Variants in TLL2 observed in about 807,000 individuals in gnomAD.
TLL2 encodes the protein tolloid like 2.
Under a neutral mutation model 123.0 loss-of-function variants are expected in TLL2, and 106 were observed. The ratio of observed to expected loss-of-function variants is 0.86; its 90% CI spans 0.74 to 1.01. The LOEUF is 1.01. Ranked by LOEUF, TLL2 falls within the 50% of genes least tolerant of loss-of-function variation. The pLI, the probability that TLL2 is intolerant of heterozygous loss-of-function variation, is 0.00. For synonymous variants in TLL2, 494 were observed against 516.8 expected, an observed-to-expected ratio of 0.96 and a Z score of 0.60; for missense variants, 1,332 against 1,336.7, an observed-to-expected ratio of 1.00 and a Z score of 0.06.
At chr10:96,379,126 C>T (rs748158129) in intron 16 of TLL2, 34 bp from the exon 17 acceptor site, 16 of 1,587,368 alleles carry the variant, frequency 1.0e-5, no homozygotes, top group East Asian at 4.5e-5. Flanking sequence ...TAAGAGGAAC[C>T]GCCAACTTGC....
intron 1 of TLL2, 138 bp downstream of exon 1, chr10:96,513,373 T>A (rs568392324): frequency 9.0e-7 from 1 of 1,109,628 alleles, no homozygotes; most frequent in Non-Finnish European, 1.3e-6. Context: ...CTCGGAGGCA[T>A]TGTCTTCCGG....
intron 2 of TLL2, among the ~76,000 whole-genome samples, chr10:96,469,922 G>A (rs1289609610): frequency 6.6e-6 from 1 of 152,068 alleles, no homozygotes. Flanking sequence ...GACAGGCTAG[G>A]AGGGCACCAT....
intron 4 of TLL2, among the ~76,000 whole-genome samples, chr10:96,432,204 A>G (rs1846750220): frequency 6.6e-6 from 1 of 152,210 alleles, no homozygotes; most frequent in Non-Finnish European, 1.5e-5. Context: ...CGCTTTATCT[A>G]TAGTAACCCA....
intron 18 of TLL2, among the ~76,000 whole-genome samples, chr10:96,375,776 T>C (rs1156826920): frequency 1.3e-5 from 2 of 152,220 alleles, no homozygotes; most frequent in Non-Finnish European, 2.9e-5. Flanking sequence ...CATAGTCCAT[T>C]GATCATGGAC....
intron 16 of TLL2, 53 bp from the exon 17 acceptor site, chr10:96,379,145 C>T: frequency 1.3e-6 from 2 of 1,584,138 alleles, no homozygotes; most frequent in South Asian, 1.1e-5. Flanking sequence ...GCAAATGTCC[C>T]TCAGGGCTCA....
chr10:96,392,050 A>G (rs1846294987), intron 13 of TLL2, among the ~76,000 whole-genome samples: 1 of 152,140 alleles, frequency 6.6e-6, no homozygotes, highest in African/African-American at 2.4e-5. Flanking sequence ...AATCTCCTTC[A>G]CCACCATGAG....
At chr10:96,476,902 A>G (rs923101268) in intron 2 of TLL2, among the ~76,000 whole-genome samples, 8 of 151,622 alleles carry the variant, frequency 5.3e-5, no homozygotes, top group African/African-American at 1.9e-4. Context: ...ACACACGCAA[A>G]CATGCACACA....
In TLL2 at chr10:96,395,934, C is replaced by T. The variant is rs751462574; in HGVS notation, c.1471G>A (p.Val491Ile). The stretch of plus-strand genomic sequence containing the variant: ...CCCTCTGAAACCGTAATCCTCCAGA[C>T]ACATTCCTTGGAAGGTCTGTAGTCA... ...PDDYRPSKEC[V>I]WRITVSEGFH... The change falls in exon 12 of 21, where the codon GTC (valine) becomes ATC (isoleucine). Residue 491 changes from valine (V) to isoleucine (I), a missense_variant. Coordinates refer to ENST00000357947, the MANE Select transcript of TLL2 (RefSeq NM_012465.4). The T allele has an allele frequency of 3.1e-6, 5 of 1,614,222 alleles. No homozygotes were observed. The highest frequency in any genetic ancestry group is 1.3e-5 in the African/African-American group (1 of 75,066).
At position 96,428,672 on chromosome 10, in the gene TLL2, C is replaced by A. The variant is rs141217387; in HGVS notation, c.597G>T (p.Thr199=). 1.2e-6 allele frequency: 2 copies of A among 1,614,086 alleles called. No homozygotes were observed. The highest frequency in any genetic ancestry group is 8.5e-7 in the Non-Finnish European group (1 of 1,179,962). The change falls in exon 5 of 21, where the codon ACG becomes ACT. Residue 199 remains threonine, a synonymous_variant. Coordinates refer to ENST00000357947, the MANE Select transcript of TLL2 (RefSeq NM_012465.4). ...KHTCVTFIER[T]DEESFIVFSY... is the part of the protein sequence containing the mutation. ...TGAATACAATAAAGCTTTCCTCATCCGTCCTTTCTATGAAGGTCACACAGG... is the reference window on the plus strand; with the variant it reads ...TGAATACAATAAAGCTTTCCTCATCAGTCCTTTCTATGAAGGTCACACAGG...
At chr10:96,402,003 CTG>C (rs1201457678) in intron 10 of TLL2, among the ~76,000 whole-genome samples, 1 of 152,238 alleles carries the variant, frequency 6.6e-6, no homozygotes, top group Non-Finnish European at 1.5e-5. Flanking sequence ...CAGCCACTAA[CTG>C]TGTGGACTTT....
At chr10:96,377,984 G>T (rs1354788547) in intron 17 of TLL2, among the ~76,000 whole-genome samples, 1 of 152,240 alleles carries the variant, frequency 6.6e-6, no homozygotes, top group Non-Finnish European at 1.5e-5. Context: ...GCCTGGTCCT[G>T]GCCCGGGCCC....
At chr10:96,383,175 C>T (rs749847912) in intron 16 of TLL2, among the ~76,000 whole-genome samples, 6 of 152,156 alleles carry the variant, frequency 3.9e-5, no homozygotes, top group South Asian at 2.1e-4. Context: ...CCACATGCCA[C>T]GCTAAGGAGA....
intron 10 of TLL2, among the ~76,000 whole-genome samples, chr10:96,401,238 T>C (rs1846390242): frequency 6.6e-6 from 1 of 152,112 alleles, no homozygotes. Flanking sequence ...TGGGAAAAAA[T>C]GCGATGCACA....
At position 96,413,313 on chromosome 10, in the gene TLL2, TC is replaced by T; in HGVS notation, c.926del (p.Gly309GlufsTer4). ...MHYARNTFSR[G>X]VFLDTILPRQ... is the part of the protein sequence containing the mutation. The stretch of plus-strand genomic sequence containing the variant: ...GGGGAAGGATGGTGTCTAAGAAAAC[TC>T]CTCTACAGGAAGGAAAAAAGACAGA... On this transcript the variant is annotated frameshift_variant and splice_region_variant, in exon 8 of 21. Coordinates refer to ENST00000357947, the MANE Select transcript of TLL2 (RefSeq NM_012465.4). LOFTEE classifies it high-confidence loss of function. The T allele has an allele frequency of 6.2e-7, 1 of 1,613,118 alleles. No homozygotes were observed. The highest frequency in any genetic ancestry group is 8.5e-7 in the Non-Finnish European group (1 of 1,179,184).
chr10:96,487,573 T>A (rs1377546936), intron 1 of TLL2, among the ~76,000 whole-genome samples: 1 of 151,454 alleles, frequency 6.6e-6, no homozygotes, highest in Non-Finnish European at 1.5e-5. Flanking sequence ...GTAGGTGGAG[T>A]TGGGGGAGGG....
chr10:96,389,445 C>A (rs992651269), intron 13 of TLL2, among the ~76,000 whole-genome samples: 8 of 152,056 alleles, frequency 5.3e-5, no homozygotes, highest in Non-Finnish European at 1.2e-4. Flanking sequence ...GGGAGTGGAG[C>A]AGTGCAGGCC....
intron 13 of TLL2, among the ~76,000 whole-genome samples, chr10:96,388,873 T>G (rs1482327016): frequency 1.3e-5 from 2 of 152,230 alleles, no homozygotes; most frequent in Non-Finnish European, 2.9e-5. Flanking sequence ...CTAATGGTGA[T>G]GTACTCTTGG....
At chr10:96,394,835 C>T (rs369943121) in intron 13 of TLL2, among the ~76,000 whole-genome samples, 1 of 152,232 alleles carries the variant, frequency 6.6e-6, no homozygotes, top group Non-Finnish European at 1.5e-5. Flanking sequence ...AGTCAAGTAC[C>T]TTACACAGTT....
intron 2 of TLL2, among the ~76,000 whole-genome samples, chr10:96,454,486 G>T (rs1307713035): frequency 6.6e-6 from 1 of 152,186 alleles, no homozygotes; most frequent in Non-Finnish European, 1.5e-5. Context: ...CCTGTTCTCT[G>T]GTTGTTGGAT....
Sources: gnomAD v4.1 joint callset for allele counts (sites outside exome capture counted in the v4.1 genomes callset) on GRCh38, gnomAD v4.1.1 for gene constraint, MANE v1.5 for transcripts, NCBI Gene and HGNC (gene_info 2026-07-23, HGNC 2026-07-21) for gene names.